The following KANSL1 variants were observed in gnomAD, a reference collection of about 807,000 sequenced individuals.
KANSL1 encodes KAT8 regulatory NSL complex subunit 1.
KANSL1 carries 22 observed loss-of-function variants against 103.6 expected under a neutral mutation model. That is an observed-to-expected ratio of 0.21 (90% confidence interval 0.15 to 0.30). The LOEUF is 0.30. KANSL1 is among the 10% of genes least tolerant of loss of function. The probability of loss-of-function intolerance (pLI) is 1.00; values close to 1 mark genes in which losing one functional copy is unlikely to be tolerated. For missense variants in KANSL1, 1,337 were observed against 1,399.8 expected, an observed-to-expected ratio of 0.96 and a Z score of 0.72; for synonymous variants, 600 against 527.6, an observed-to-expected ratio of 1.14 and a Z score of -1.88.
intron 7 of KANSL1, among the ~76,000 whole-genome samples, chr17:46,048,418 A>C (rs1230536417): frequency 6.6e-6 from 1 of 151,946 alleles, no homozygotes; most frequent in Non-Finnish European, 1.5e-5. Context: ...AAATACAAAA[A>C]AATTAGCCAG....
intron 2 of KANSL1, among the ~76,000 whole-genome samples, chr17:46,139,966 G>A (rs1469447977): frequency 1.3e-5 from 2 of 152,118 alleles, no homozygotes; most frequent in South Asian, 2.1e-4. Flanking sequence ...ATAATCCAGA[G>A]AGACAAAAAC....
chr17:46,080,249 G>A lies in KANSL1; in HGVS notation c.1533+2192C>T, dbSNP rs182769481. Among the ~76,000 whole-genome samples, 10 of 146,032 alleles carry A rather than the reference G, an allele frequency of 6.8e-5. No homozygotes were observed. In the East Asian group the frequency reaches 2.0e-3, roughly 29 times the overall value. ...AACAAGCACAGTCCAGGAGTTTGAG[G>A]CTGAAGTGAGCTATGATTGTGCGAT... is the stretch of plus-strand genomic sequence containing the variant. On this transcript the variant is annotated intron_variant, in intron 4 of 14. Transcript: ENST00000432791.
intron 2 of KANSL1, among the ~76,000 whole-genome samples, chr17:46,103,315 T>C (rs747235479): frequency 2.0e-5 from 3 of 152,246 alleles, no homozygotes; most frequent in Non-Finnish European, 4.4e-5. Flanking sequence ...TATCAACTTT[T>C]GGCGAATCCT....
rs1379821200 is a variant in KANSL1 at position 46,066,580 on chromosome 17, C to T, written c.1805G>A (p.Arg602Gln). The T allele has an allele frequency of 6.2e-7, 1 of 1,613,708 alleles. No homozygotes were observed. Among genetic ancestry groups the T allele is most frequent in the Non-Finnish European group, 8.5e-7 (1 of 1,179,740 alleles). Residue 602 changes from arginine (R) to glutamine (Q), a missense_variant, in exon 6 of 15, where the codon CGG becomes CAG. By Grantham distance (43) the Arg-to-Gln change is conservative. This residue lies in a region of KANSL1 where 780 missense variants were observed against 923.4 expected (regional missense o/e 0.84). Transcript: ENST00000432791. ...RTRPVLSCKK[R>Q]RLVRPNSIVP... ...GATGCTGTTGGGTCGAACAAGCCTC[C>T]GCTTCTTACAGCTCAGTACAGGACG...
intron 2 of KANSL1, among the ~76,000 whole-genome samples, chr17:46,130,449 T>C (rs1034984523): frequency 2.0e-5 from 3 of 152,234 alleles, no homozygotes; most frequent in Admixed American, 6.5e-5. Context: ...TGAGCCTTCA[T>C]GTTAACACGT....
At chr17:46,134,091 G>A (rs1195839241) in intron 2 of KANSL1, among the ~76,000 whole-genome samples, 1 of 152,204 alleles carries the variant, frequency 6.6e-6, no homozygotes, top group Admixed American at 6.5e-5. Flanking sequence ...AAGGAATCAA[G>A]AGCCCCATTA....
chr17:46,179,231 C>CAT lies in KANSL1; in HGVS notation c.-89-7001_-89-7000dup, dbSNP rs1263681098. Among the ~76,000 whole-genome samples the CAT allele has an allele frequency of 3.3e-5, 5 of 152,334 alleles. No homozygotes were observed. In the East Asian group the frequency reaches 5.8e-4, roughly 18 times the overall value. On this transcript the variant is annotated intron_variant, in intron 1 of 14. Transcript: ENST00000432791. ...CCATATCCTAAAGATTATACACACA[C>CAT]ATATATATACTCTTTCAAAAGCAAA...
At chr17:46,135,267 TA>T (rs35173354) in intron 2 of KANSL1, among the ~76,000 whole-genome samples, 9 of 147,940 alleles carry the variant, frequency 6.1e-5, no homozygotes, top group Admixed American at 2.0e-4. Flanking sequence ...GTGGTCTAGA[TA>T]AAAAAAAAAA....
chr17:46,185,285 G>A (rs566269304), intron 1 of KANSL1, among the ~76,000 whole-genome samples: 1 of 152,186 alleles, frequency 6.6e-6, no homozygotes, highest in African/African-American at 2.4e-5. Context: ...CGTTAATGGG[G>A]ATGTCTGAAG....
rs771796347 is a variant in KANSL1, at chr17:46,031,648, T to C, written c.3146A>G (p.Glu1049Gly). Residue 1049 changes from glutamate (E) to glycine (G), a missense_variant, in exon 15 of 15, where the codon GAG (glutamate) becomes GGG (glycine). Glu to Gly is a moderately conservative substitution (Grantham distance 98). Transcript: ENST00000432791. ...CTGTGCATCCAGCTGGTCCTCACACTCCGCCTGGGGACTGTGCGCCAGGGG... is the reference window on the plus strand; with the variant it reads ...CTGTGCATCCAGCTGGTCCTCACACCCCGCCTGGGGACTGTGCGCCAGGGG... Reference protein sequence around the residue: ...TFPLAHSPQAECEDQLDAQER... With the variant: ...TFPLAHSPQAGCEDQLDAQER... The C allele has an allele frequency of 4.2e-5, 68 of 1,613,668 alleles. No homozygotes were observed. Among genetic ancestry groups the C allele is most frequent in the Middle Eastern group, 3.3e-4 (2 of 6,076 alleles).
At chr17:46,160,800 C>T (rs2045694795) in intron 2 of KANSL1, among the ~76,000 whole-genome samples, 1 of 152,180 alleles carries the variant, frequency 6.6e-6, no homozygotes, top group African/African-American at 2.4e-5. Flanking sequence ...CTCTTTTCAT[C>T]AACCAAATCT....
chr17:46,189,894 G>A lies in KANSL1; in HGVS notation c.-90+2929C>T, dbSNP rs938428937. 5.2e-4 allele frequency among the ~76,000 whole-genome samples: 65 copies of A among 123,848 alleles called. 2 individuals carry two copies. In the South Asian group the frequency reaches 0.015, roughly 28 times the overall value. The allele number at this position is 123,848 out of a possible 152,430, so 81.2% of individuals were successfully genotyped here. ...TGCACTCCAGCATGGGCGACAGAAC[G>A]AGACCCTGCCTCAAAAAAAAAAAAA... is the stretch of plus-strand genomic sequence containing the variant. On this transcript the variant is annotated intron_variant, in intron 1 of 14. Transcript: ENST00000432791.
intron 2 of KANSL1, among the ~76,000 whole-genome samples, chr17:46,118,610 G>A (rs1278621551): frequency 6.6e-6 from 1 of 152,222 alleles, no homozygotes; most frequent in East Asian, 1.9e-4. Flanking sequence ...ATGGTCCAAA[G>A]ACTACACTTT....
intron 2 of KANSL1, among the ~76,000 whole-genome samples, chr17:46,118,491 C>T (rs1054454270): frequency 2.0e-5 from 3 of 152,186 alleles, no homozygotes; most frequent in African/African-American, 7.2e-5. Context: ...AAACTTTAAG[C>T]ATGCAGGGCT....
chr17:46,061,648 A>G (rs1019022749), intron 6 of KANSL1, among the ~76,000 whole-genome samples: 1 of 152,178 alleles, frequency 6.6e-6, no homozygotes, highest in African/African-American at 2.4e-5. Flanking sequence ...ATATTCACTT[A>G]CCACACCCTA....
chr17:46,218,598 C>A (rs1179717692), intron 1 of KANSL1, among the ~76,000 whole-genome samples: 1 of 150,892 alleles, frequency 6.6e-6, no homozygotes, highest in African/African-American at 2.4e-5. Context: ...GCCTGGCCAA[C>A]ATAGTGAAAC....
intron 1 of KANSL1, among the ~76,000 whole-genome samples, chr17:46,218,314 T>C (rs1218315116): frequency 6.6e-6 from 1 of 152,252 alleles, no homozygotes; most frequent in Non-Finnish European, 1.5e-5. Flanking sequence ...CTAAACACTC[T>C]GCGTGAATAA....
At chr17:46,063,690 CTTTTATAA>C (rs1382237441) in intron 6 of KANSL1, among the ~76,000 whole-genome samples, 3 of 152,106 alleles carry the variant, frequency 2.0e-5, no homozygotes, top group African/African-American at 7.2e-5. Flanking sequence ...CCTAAGCTAC[CTTTTATAA>C]TTTTATATGT....
At chr17:46,207,005 G>A (rs2047990533) in intron 1 of KANSL1, among the ~76,000 whole-genome samples, 1 of 152,128 alleles carries the variant, frequency 6.6e-6, no homozygotes, top group African/African-American at 2.4e-5. Flanking sequence ...GGCAAAGGCT[G>A]AGCATGGTGG....
Sources: allele counts gnomAD v4.1 joint callset (sites outside exome capture counted in the v4.1 genomes callset), GRCh38; gene constraint gnomAD v4.1.1; regional missense constraint gnomAD v4.1.1; transcripts MANE v1.5; gene names NCBI Gene and HGNC (gene_info 2026-07-23, HGNC 2026-07-21).